ATAD5: variants seen among roughly 807,000 people sequenced by gnomAD.
ATAD5 encodes the protein ATPase family AAA domain-containing protein 5.
Under a neutral mutation model 176.9 loss-of-function variants are expected in ATAD5, and 58 were observed. The observed-to-expected ratio is 0.33, with a 90% CI of 0.27 to 0.41. ATAD5 has a LOEUF of 0.41. ATAD5 is among the 10% of genes least tolerant of loss of function. The pLI is 1.00. For missense variants in ATAD5, 1,789 were observed against 2,094.1 expected, an observed-to-expected ratio of 0.85 and a Z score of 2.84; for synonymous variants, 640 against 712.6, an observed-to-expected ratio of 0.90 and a Z score of 1.62.
intron 18 of ATAD5, 121 bp downstream of exon 18, chr17:30,879,608 G>A: frequency 1.1e-6 from 1 of 889,742 alleles, no homozygotes; most frequent in Non-Finnish European, 1.6e-6. Flanking sequence ...TGTCGCCCAG[G>A]CTGGAGTGCA....
chr17:30,869,130 T>A, intron 12 of ATAD5, 118 bp from the exon 13 acceptor site: 1 of 1,246,072 alleles, frequency 8.0e-7, no homozygotes, highest in East Asian at 2.4e-5. Flanking sequence ...CCGGCCTGTA[T>A]AAAGTAATTT....
intron 9 of ATAD5, 102 bp downstream of exon 9, chr17:30,858,425 G>A (rs574598796): frequency 2.0e-4 from 182 of 906,328 alleles, no homozygotes; most frequent in African/African-American, 4.4e-4. Flanking sequence ...TGCTCTTGTC[G>A]CCCTGGCTGG....
In ATAD5 at chr17:30,833,312, A is replaced by G. The variant is rs562394462; in HGVS notation, c.67-836A>G. The stretch of plus-strand genomic sequence containing the variant: ...GATTTCTATGTGGTCTGTTTTATCA[A>G]TCTTTCCGTTACAGTTTCTGGTTTT... On this transcript the variant is annotated intron_variant, in intron 1 of 22. Transcript: ENST00000321990. Among the ~76,000 whole-genome samples the G allele has an allele frequency of 4.6e-5, 7 of 152,268 alleles. No individual in the cohort carries two copies. In the East Asian group the frequency reaches 5.8e-4, roughly 13 times the overall value.
In ATAD5 at chr17:30,892,573, A is replaced by G. The variant is rs201163874; in HGVS notation, c.4259-34A>G. On this transcript the variant is annotated intron_variant, in intron 19 of 22. Coordinates refer to ENST00000321990, the MANE Select transcript of ATAD5 (RefSeq NM_024857.5). ...TTGTTTGATACAATTTGTTTAATAC[A>G]TATATAGAGCTAAGATTTTCTTTTA... is the stretch of plus-strand genomic sequence containing the variant. 6.7e-5 allele frequency: 97 copies of G among 1,457,088 alleles called. No individual in the cohort carries two copies. The African/African-American group carries it at 1.1e-3, about 17-fold the overall frequency. The allele number at this position is 1,457,088 out of a possible 1,614,324, so 90.3% of individuals were successfully genotyped here.
intron 11 of ATAD5, among the ~76,000 whole-genome samples, chr17:30,867,716 A>G (rs993962780): frequency 2.0e-5 from 3 of 152,110 alleles, no homozygotes; most frequent in Non-Finnish European, 1.5e-5. Context: ...GGCTCAAGCC[A>G]TCCTCCCACC....
chr17:30,881,398 C>T (rs1909004723), intron 18 of ATAD5, among the ~76,000 whole-genome samples: 2 of 152,276 alleles, frequency 1.3e-5, no homozygotes, highest in South Asian at 2.1e-4. Flanking sequence ...CTCCTGGGTT[C>T]AAGCAATTCT....
intron 18 of ATAD5, 40 bp downstream of exon 18, chr17:30,879,527 C>A: frequency 1.3e-6 from 2 of 1,508,784 alleles, no homozygotes; most frequent in South Asian, 1.2e-5. Flanking sequence ...TACATATCAC[C>A]ATCATGTAAA....
At chr17:30,840,804 G>A (rs779952851) in intron 4 of ATAD5, 23 bp downstream of exon 4, 3 of 1,576,372 alleles carry the variant, frequency 1.9e-6, no homozygotes, top group East Asian at 2.3e-5. Flanking sequence ...AATATCTGTT[G>A]GTATAAATTC....
At chr17:30,863,593 C>T (rs1213239832) in intron 10 of ATAD5, among the ~76,000 whole-genome samples, 1 of 150,870 alleles carries the variant, frequency 6.6e-6, no homozygotes, top group Non-Finnish European at 1.5e-5. Flanking sequence ...GTCTTGATCT[C>T]CTGACCTTGT....
Position 30,835,957 on chromosome 17 carries a change from T to G in ATAD5, c.1876T>G (p.Ser626Ala). The part of the protein sequence containing the change: ...DVQDNSQLKA[S>A]TQKAANLSEK... ...ACAAGATAATAGTCAACTAAAGGCT[T>G]CCACTCAAAAAGCAGCCAACTTATC... Residue 626 changes from serine to alanine, a missense_variant, in exon 2 of 23, where the codon TCC (serine) becomes GCC (alanine). Physicochemically the swap from Ser to Ala is moderately conservative, Grantham distance 99 (BLOSUM62 1). Around this residue, in one of 6 missense-constraint regions of ATAD5, gnomAD observed 696 missense variants for 712.5 expected, o/e 0.98. Transcript: ENST00000321990. The G allele has an allele frequency of 6.2e-7, 1 of 1,614,082 alleles. No individual in the cohort carries two copies.
intron 10 of ATAD5, 30 bp downstream of exon 10, chr17:30,860,642 T>C: frequency 6.6e-7 from 1 of 1,513,394 alleles, no homozygotes; most frequent in Non-Finnish European, 8.8e-7. Flanking sequence ...CCAAAAGAAA[T>C]AGATTGCTTT....
rs993922721 is a variant in ATAD5 at position 30,860,976 on chromosome 17, G to A, written c.3136+364G>A. 3.3e-5 allele frequency among the ~76,000 whole-genome samples: 5 copies of A among 151,800 alleles called. No individual in the cohort carries two copies. The East Asian group carries it at 9.7e-4, about 29-fold the overall frequency. On this transcript the variant is annotated intron_variant, in intron 10 of 22. Transcript: ENST00000321990. Reference sequence around the variant, plus strand: ...GGGCTGGAGCCCACCATCATGCCCAGCTAACTTTTTGTATTTTTAGTAGAG... The same window carrying A: ...GGGCTGGAGCCCACCATCATGCCCAACTAACTTTTTGTATTTTTAGTAGAG...
At chr17:30,863,203 T>G (rs1236228569) in intron 10 of ATAD5, among the ~76,000 whole-genome samples, 2 of 151,746 alleles carry the variant, frequency 1.3e-5, no homozygotes, top group African/African-American at 4.8e-5. Flanking sequence ...AAAAAGAAAA[T>G]TCCACATCTA....
rs1240952312 is a variant in ATAD5, at chr17:30,835,716, A to C, written c.1635A>C (p.Ala545=). ...AAAGTCTTGTTTATGAAGATATAGC[A>C]AATGATGACCTTCTAAAGGTTTCCT... ...NNESLVYEDI[A]NDDLLKVSSL... Residue 545 remains alanine (A), a synonymous_variant, in exon 2 of 23, where the codon GCA becomes GCC. Coordinates refer to ENST00000321990, the MANE Select transcript of ATAD5 (RefSeq NM_024857.5). The C allele has an allele frequency of 6.2e-7, 1 of 1,610,096 alleles. No homozygotes were observed. Among genetic ancestry groups the C allele is most frequent in the Non-Finnish European group, 8.5e-7 (1 of 1,178,916 alleles).
chr17:30,848,867 T>C (rs1906695700), intron 6 of ATAD5, among the ~76,000 whole-genome samples: 1 of 152,108 alleles, frequency 6.6e-6, no homozygotes, highest in Non-Finnish European at 1.5e-5. Context: ...TTAGTTTTCT[T>C]TTTCTTTTCT....
chr17:30,841,667 A>T (rs75989599), intron 4 of ATAD5, among the ~76,000 whole-genome samples: 4,086 of 152,226 alleles, frequency 0.027, 168 homozygotes, highest in African/African-American at 0.09. Flanking sequence ...AGCCATAGCT[A>T]ACTACTAACC....
intron 8 of ATAD5, 143 bp downstream of exon 8, chr17:30,857,255 GT>G: frequency 5.6e-6 from 5 of 890,800 alleles, no homozygotes; most frequent in Non-Finnish European, 7.8e-6. Flanking sequence ...GTCTCCCTCT[GT>G]TGCCCAGGCT....
chr17:30,890,001 C>A (rs527818900), intron 19 of ATAD5, among the ~76,000 whole-genome samples: 1 of 150,962 alleles, frequency 6.6e-6, no homozygotes, highest in East Asian at 1.9e-4. Context: ...AGCCGTCTTC[C>A]GCCCTGAGCC....
chr17:30,868,784 G>A (rs1908158799), intron 12 of ATAD5, among the ~76,000 whole-genome samples: 1 of 150,424 alleles, frequency 6.6e-6, no homozygotes, highest in South Asian at 2.1e-4. Context: ...GGATTAAGCA[G>A]TGGCATGAGC....
Sources: allele counts gnomAD v4.1 joint callset (sites outside exome capture counted in the v4.1 genomes callset), GRCh38; gene constraint gnomAD v4.1.1; regional missense constraint gnomAD v4.1.1; transcripts MANE v1.5; gene names NCBI Gene and HGNC (gene_info 2026-07-23, HGNC 2026-07-21).